The following XYLT1 variants were observed in gnomAD, a reference collection of about 807,000 sequenced individuals.
XYLT1 encodes xylosyltransferase 1, also known as beta-D-xylosyltransferase 1.
A neutral mutation model predicts 91.3 loss-of-function variants in XYLT1; 36 were observed. That is an observed-to-expected ratio of 0.39 (90% CI 0.30 to 0.52). XYLT1 has a LOEUF of 0.52. Among genes scored for constraint, XYLT1 ranks in the 20% least tolerant of loss-of-function variants. The pLI is 0.68. For missense variants in XYLT1, 1,242 were observed against 1,284.5 expected (o/e 0.97, Z 0.51); for synonymous variants, 588 against 532.0 (o/e 1.11, Z -1.45).
chr16:17,453,428 C>T (rs1055542947), intron 1 of XYLT1, among the ~76,000 whole-genome samples: 4 of 152,126 alleles, frequency 2.6e-5, no homozygotes, highest in Non-Finnish European at 2.9e-5. Flanking sequence ...ATGGGTGGAT[C>T]CTAGGGTATC....
intron 3 of XYLT1, among the ~76,000 whole-genome samples, chr16:17,205,181 C>T (rs538334438): frequency 2.0e-5 from 3 of 152,316 alleles, no homozygotes; most frequent in Admixed American, 6.5e-5. Context: ...TCCCGGAGAG[C>T]TCCCCCAGTA....
At chr16:17,226,864 A>C (rs1403311881) in intron 3 of XYLT1, among the ~76,000 whole-genome samples, 3 of 152,226 alleles carry the variant, frequency 2.0e-5, no homozygotes, top group Admixed American at 6.5e-5. Flanking sequence ...TGGGTCCATC[A>C]CTGTGTGGCC....
chr16:17,322,292 T>C (rs551692891), intron 2 of XYLT1, among the ~76,000 whole-genome samples: 65 of 152,224 alleles, frequency 4.3e-4, no homozygotes, highest in Non-Finnish European at 7.6e-4. Flanking sequence ...AGCTCACACC[T>C]CCTAAGCCTC....
chr16:17,443,330 C>T (rs1338965856), intron 1 of XYLT1, among the ~76,000 whole-genome samples: 1 of 152,170 alleles, frequency 6.6e-6, no homozygotes. Flanking sequence ...CAAATCTCAT[C>T]TCGAACTGTA....
intron 1 of XYLT1, among the ~76,000 whole-genome samples, chr16:17,426,953 G>T (rs1160830282): frequency 6.6e-6 from 1 of 152,206 alleles, no homozygotes; most frequent in East Asian, 1.9e-4. Flanking sequence ...GATAGAAGAA[G>T]GAACAAGTGC....
At chr16:17,198,476 C>T (rs1346400001) in intron 4 of XYLT1, 62 bp from the exon 5 acceptor site, 2 of 1,519,030 alleles carry the variant, frequency 1.3e-6, no homozygotes, top group African/African-American at 2.7e-5. Context: ...AGGCATGCCC[C>T]TCACCCCTGT....
At chr16:17,278,137 G>T (rs1596462506) in intron 2 of XYLT1, among the ~76,000 whole-genome samples, 1 of 152,150 alleles carries the variant, frequency 6.6e-6, no homozygotes, top group Non-Finnish European at 1.5e-5. Context: ...GAGCAGTAGT[G>T]GCACCTTTTC....
At chr16:17,181,808 T>C (rs1173551237) in intron 5 of XYLT1, among the ~76,000 whole-genome samples, 1 of 152,134 alleles carries the variant, frequency 6.6e-6, no homozygotes, top group Non-Finnish European at 1.5e-5. Flanking sequence ...CTTAAGCCTC[T>C]TGGGGCCACG....
intron 1 of XYLT1, among the ~76,000 whole-genome samples, chr16:17,458,645 G>A (rs1257424633): frequency 6.6e-6 from 1 of 152,146 alleles, no homozygotes; most frequent in East Asian, 1.9e-4. Flanking sequence ...TGGTTAAGTT[G>A]ACATTGACCA....
intron 1 of XYLT1, among the ~76,000 whole-genome samples, chr16:17,448,464 A>G (rs1279936153): frequency 6.6e-6 from 1 of 152,182 alleles, no homozygotes; most frequent in Non-Finnish European, 1.5e-5. Context: ...TCATTATTAC[A>G]ATTGCTGTAT....
chr16:17,358,789 C>G (rs1489716649), intron 1 of XYLT1, among the ~76,000 whole-genome samples: 3 of 152,114 alleles, frequency 2.0e-5, no homozygotes, highest in African/African-American at 7.2e-5. Context: ...AGGAACAAGG[C>G]CATCATCAAT....
intron 5 of XYLT1, among the ~76,000 whole-genome samples, chr16:17,167,822 G>C (rs1853447510): frequency 6.6e-6 from 1 of 151,772 alleles, no homozygotes; most frequent in African/African-American, 2.4e-5. Flanking sequence ...CTCATGCATG[G>C]ATTCTAACTC....
chr16:17,219,765 A>C (rs546147993), intron 3 of XYLT1, among the ~76,000 whole-genome samples: 2 of 152,150 alleles, frequency 1.3e-5, no homozygotes, highest in African/African-American at 4.8e-5. Context: ...GCAGTGGCTC[A>C]CGCCTGTAAT....
intron 3 of XYLT1, among the ~76,000 whole-genome samples, chr16:17,213,967 C>T (rs2032809710): frequency 6.6e-6 from 1 of 152,112 alleles, no homozygotes; most frequent in African/African-American, 2.4e-5. Flanking sequence ...TTTCACAGAT[C>T]CTCCTCCCTT....
At chr16:17,322,337 C>A (rs1435232150) in intron 2 of XYLT1, among the ~76,000 whole-genome samples, 1 of 152,194 alleles carries the variant, frequency 6.6e-6, no homozygotes, top group African/African-American at 2.4e-5. Context: ...GAAGACCCGA[C>A]AAGTAGAAAC....
chr16:17,397,564 G>A (rs190780474), intron 1 of XYLT1, among the ~76,000 whole-genome samples: 19 of 152,140 alleles, frequency 1.2e-4, no homozygotes, highest in South Asian at 6.2e-4. Flanking sequence ...TTTACTCTAT[G>A]TCTACAGCCT....
chr16:17,253,780 C>T (rs1380171807), intron 3 of XYLT1, among the ~76,000 whole-genome samples: 2 of 150,970 alleles, frequency 1.3e-5, no homozygotes, highest in Non-Finnish European at 2.9e-5. Flanking sequence ...CATCAGCACC[C>T]CTGGCTTCCC....
intron 1 of XYLT1, among the ~76,000 whole-genome samples, chr16:17,459,110 G>A (rs1359250378): frequency 1.3e-5 from 2 of 152,138 alleles, no homozygotes; most frequent in East Asian, 1.9e-4. Flanking sequence ...GGTGGCTCAC[G>A]CCTGTAATCC....
chr16:17,304,430 G>A (rs928309236), intron 2 of XYLT1, among the ~76,000 whole-genome samples: 2 of 152,080 alleles, frequency 1.3e-5, no homozygotes, highest in African/African-American at 4.8e-5. Context: ...CAGAAATGCT[G>A]TATGTGGATG....
Sources: gnomAD v4.1 joint callset for allele counts (sites outside exome capture counted in the v4.1 genomes callset) on GRCh38, gnomAD v4.1.1 for gene constraint, MANE v1.5 for transcripts, NCBI Gene and HGNC (gene_info 2026-07-23, HGNC 2026-07-21) for gene names.